PCDH9: variants seen among roughly 807,000 people sequenced by gnomAD.
PCDH9 encodes the protein protocadherin-9.
In PCDH9, 24 loss-of-function variants were observed where a neutral mutation model predicts 70.6. That is an observed-to-expected ratio of 0.34 (90% CI 0.25 to 0.48). PCDH9 has a LOEUF of 0.48. PCDH9 is among the 20% of genes least tolerant of loss of function. The pLI, the probability that PCDH9 is intolerant of heterozygous loss-of-function variation, is 0.99. For missense variants in PCDH9, 1,281 were observed against 1,503.6 expected (o/e 0.85, Z 2.45); for synonymous variants, 562 against 558.5 (o/e 1.01, Z -0.09).
At chr13:66,613,895 G>A (rs1310722191) in intron 4 of PCDH9, among the ~76,000 whole-genome samples, 1 of 152,146 alleles carries the variant, frequency 6.6e-6, no homozygotes, top group Non-Finnish European at 1.5e-5. Context: ...AAGACTATTA[G>A]TAAAATGCAG....
At chr13:66,600,764 A>ATG (rs2077155804) in intron 4 of PCDH9, among the ~76,000 whole-genome samples, 2 of 51,320 alleles carry the variant, frequency 3.9e-5, no homozygotes, top group Non-Finnish European at 9.9e-5. Flanking sequence ...CTAATTAAGA[A>ATG]CGTGTGTGTG....
chr13:66,646,327 A>AT (rs377355258), intron 3 of PCDH9, among the ~76,000 whole-genome samples: 39 of 152,240 alleles, frequency 2.6e-4, no homozygotes, highest in African/African-American at 7.7e-4. Context: ...TATAGCTGGG[A>AT]TTTTCACTGT....
intron 3 of PCDH9, among the ~76,000 whole-genome samples, chr13:66,878,349 C>G (rs916084102): frequency 3.3e-5 from 5 of 152,010 alleles, no homozygotes; most frequent in Non-Finnish European, 5.9e-5. Flanking sequence ...GCCTCAGCCT[C>G]CCGAGCAGCT....
rs140905917 is a variant in PCDH9, at chr13:66,972,741, C to A, written c.3037-69136G>T. On this transcript the variant is annotated intron_variant, in intron 2 of 4. Transcript: ENST00000377865. Reference sequence around the variant, plus strand: ...TTTTCACAAGAATGTTCTGACATAGCTCTCGTCTCCATTACATTGATACAG... The same window carrying A: ...TTTTCACAAGAATGTTCTGACATAGATCTCGTCTCCATTACATTGATACAG... 2.8e-3 allele frequency among the ~76,000 whole-genome samples: 428 copies of A among 152,118 alleles called. 1 individual carries two copies. The highest frequency in any genetic ancestry group is 4.9e-3 in the Non-Finnish European group (336 of 67,954).
chr13:66,503,660 G>A (rs1448722106), intron 4 of PCDH9, among the ~76,000 whole-genome samples: 1 of 152,164 alleles, frequency 6.6e-6, no homozygotes, highest in African/African-American at 2.4e-5. Flanking sequence ...ATAAGAATAT[G>A]TATCCCACCT....
At chr13:66,379,671 C>T (rs1956809432) in intron 4 of PCDH9, among the ~76,000 whole-genome samples, 1 of 152,074 alleles carries the variant, frequency 6.6e-6, no homozygotes, top group Non-Finnish European at 1.5e-5. Flanking sequence ...ATTACCCTGG[C>T]ATTCATTTGT....
At chr13:67,223,690 C>T (rs2089783444) in intron 2 of PCDH9, 1 of 152,074 alleles carries the variant, frequency 6.6e-6, no homozygotes, top group Non-Finnish European at 1.5e-5. Flanking sequence ...AACCTCTTTT[C>T]AAATACTAAC....
intron 2 of PCDH9, among the ~76,000 whole-genome samples, chr13:66,937,943 A>AAGTT (rs2082944473): frequency 6.6e-6 from 1 of 152,086 alleles, no homozygotes; most frequent in Non-Finnish European, 1.5e-5. Context: ...AAACTCCTTT[A>AAGTT]AGTTTAACTC....
chr13:67,044,545 T>C (rs2085186287), intron 2 of PCDH9, among the ~76,000 whole-genome samples: 1 of 152,132 alleles, frequency 6.6e-6, no homozygotes, highest in African/African-American at 2.4e-5. Flanking sequence ...CCCAAGAGAA[T>C]TATGCCCTAA....
intron 2 of PCDH9, among the ~76,000 whole-genome samples, chr13:66,985,980 T>C (rs781386690): frequency 1.3e-5 from 2 of 152,066 alleles, no homozygotes; most frequent in Non-Finnish European, 2.9e-5. Flanking sequence ...GTCTATTTTT[T>C]AGTGGTGAGG....
At chr13:66,991,953 T>TG (rs796132664) in intron 2 of PCDH9, among the ~76,000 whole-genome samples, 1 of 152,190 alleles carries the variant, frequency 6.6e-6, no homozygotes, top group Non-Finnish European at 1.5e-5. Flanking sequence ...TTTAAGTATA[T>TG]GGGTTTTTTT....
chr13:66,985,580 T>C (rs972202), intron 2 of PCDH9: 131,369 of 152,076 alleles, frequency 0.86, 59,266 homozygotes, highest in East Asian at 1. Flanking sequence ...TGGGCTATAA[T>C]TGTATTTTGG....
Position 67,225,644 on chromosome 13 carries a change from G to C in PCDH9, c.2797C>G (p.Pro933Ala). Residue 933 changes from proline (P) to alanine (A), a missense_variant, in exon 2 of 5, where the codon CCT (proline) becomes GCT (alanine). Transcript: ENST00000377865. Reference protein sequence around the residue: ...APPTTFKPNSPDLAKHYKSAS... With the variant: ...APPTTFKPNSADLAKHYKSAS... ...GATTTGTAGTGCTTGGCCAGGTCAG[G>C]ACTGTTAGGCTTGAATGTTGTTGGA... The C allele has an allele frequency of 6.2e-7, 1 of 1,614,126 alleles. No homozygotes were observed. Among genetic ancestry groups the C allele is most frequent in the Non-Finnish European group, 8.5e-7 (1 of 1,180,012 alleles).
chr13:66,780,385 C>A (rs2079979254), intron 3 of PCDH9, among the ~76,000 whole-genome samples: 1 of 152,126 alleles, frequency 6.6e-6, no homozygotes, highest in Admixed American at 6.5e-5. Context: ...TCATATGAGG[C>A]TGTGCAGAGT....
intron 4 of PCDH9, among the ~76,000 whole-genome samples, chr13:66,574,568 C>T (rs776326623): frequency 8.5e-5 from 13 of 152,270 alleles, no homozygotes; most frequent in African/African-American, 1.9e-4. Flanking sequence ...TTGCTGCTAA[C>T]TCAGTCTATT....
chr13:66,618,482 T>G (rs2077385550), intron 4 of PCDH9, among the ~76,000 whole-genome samples: 1 of 152,200 alleles, frequency 6.6e-6, no homozygotes, highest in African/African-American at 2.4e-5. Flanking sequence ...CTAGATAATT[T>G]TATGTATTTA....
intron 3 of PCDH9, among the ~76,000 whole-genome samples, chr13:66,718,571 C>T (rs2078900997): frequency 6.6e-6 from 1 of 152,090 alleles, no homozygotes; most frequent in South Asian, 2.1e-4. Context: ...TGTCTCAAAA[C>T]AGCTAAGTGC....
chr13:66,615,745 A>G (rs1303770845), intron 4 of PCDH9, among the ~76,000 whole-genome samples: 2 of 152,248 alleles, frequency 1.3e-5, no homozygotes, highest in African/African-American at 4.8e-5. Context: ...TGGTTGGAAT[A>G]TTACTGATCC....
rs915728290 is a variant in PCDH9 at position 67,046,931 on chromosome 13, G to T, written c.3037-143326C>A. Among the ~76,000 whole-genome samples, 5 of 152,176 alleles carry T rather than the reference G, an allele frequency of 3.3e-5. No homozygotes were observed. In the East Asian group the frequency reaches 5.8e-4, roughly 18 times the overall value. On this transcript the variant is annotated intron_variant, in intron 2 of 4. Transcript: ENST00000377865. Reference sequence around the variant, plus strand: ...AATCTCTGTCACATATGAGAGTTAGGCTCATGAACAGATGATTTCAGTATA... The same window carrying T: ...AATCTCTGTCACATATGAGAGTTAGTCTCATGAACAGATGATTTCAGTATA...
Sources: gnomAD v4.1 joint callset for allele counts (sites outside exome capture counted in the v4.1 genomes callset) on GRCh38, gnomAD v4.1.1 for gene constraint, MANE v1.5 for transcripts, NCBI Gene and HGNC (gene_info 2026-07-23, HGNC 2026-07-21) for gene names.